The following RALYL variants were observed in gnomAD, a reference collection of about 807,000 sequenced individuals.
The protein encoded by RALYL is RALY RNA binding protein like, also known as RNA-binding Raly-like protein.
Under a neutral mutation model 35.1 loss-of-function variants are expected in RALYL, and 29 were observed. That is an observed-to-expected ratio of 0.83 (90% CI 0.61 to 1.13). The LOEUF (loss-of-function observed/expected upper bound fraction) is 1.13, where lower values mean the gene tolerates loss of function less well. Among genes scored for constraint, RALYL ranks in the 50% most tolerant of loss-of-function variants. The pLI is 0.00. For synonymous variants in RALYL, 120 were observed against 127.6 expected, an observed-to-expected ratio of 0.94 and a Z score of 0.40; for missense variants, 359 against 360.4, an observed-to-expected ratio of 1.00 and a Z score of 0.03.
At chr8:84,300,136 A>G (rs1840496991) in intron 1 of RALYL, among the ~76,000 whole-genome samples, 1 of 151,854 alleles carries the variant, frequency 6.6e-6, no homozygotes, top group African/African-American at 2.4e-5. Flanking sequence ...AGTATGTTGT[A>G]TTATTGTTTT....
chr8:84,478,571 C>T (rs2053675461), intron 1 of RALYL, among the ~76,000 whole-genome samples: 1 of 152,078 alleles, frequency 6.6e-6, no homozygotes, highest in African/African-American at 2.4e-5. Context: ...TTATATCTGG[C>T]CTTACCCTAA....
chr8:84,826,398 C>T (rs901514225), intron 4 of RALYL, among the ~76,000 whole-genome samples: 2 of 151,634 alleles, frequency 1.3e-5, no homozygotes, highest in Non-Finnish European at 2.9e-5. Flanking sequence ...GAAATGTTTG[C>T]TGGGTATCAG....
chr8:84,529,594 C>T lies in RALYL; in HGVS notation c.256+17C>T, dbSNP rs1482954172. ...AACCACTTGGTAAGTCATGCTCAGA[C>T]ATGGATCTCACGTTATTGTTCATAT... is the stretch of plus-strand genomic sequence containing the variant. On this transcript the variant is annotated intron_variant, in intron 2 of 8. Coordinates refer to ENST00000521268, the MANE Select transcript of RALYL (RefSeq NM_173848.7). 1 of 1,599,072 alleles carries T rather than the reference C, an allele frequency of 6.3e-7. No individual in the cohort carries two copies. The highest frequency in any genetic ancestry group is 1.7e-5 in the Admixed American group (1 of 59,598).
At chr8:84,433,032 A>G (rs557099268) in intron 1 of RALYL, among the ~76,000 whole-genome samples, 2 of 152,320 alleles carry the variant, frequency 1.3e-5, no homozygotes, top group South Asian at 2.1e-4. Context: ...TAAGCAAAGT[A>G]TTAGGTACAA....
chr8:84,316,029 A>G (rs377281683), intron 1 of RALYL, among the ~76,000 whole-genome samples: 1 of 152,116 alleles, frequency 6.6e-6, no homozygotes, highest in Non-Finnish European at 1.5e-5. Context: ...TTGTAAAATT[A>G]TCTTTACTTT....
rs1272777636 is a variant in RALYL at position 84,774,620 on chromosome 8, C to T, written c.298C>T (p.Pro100Ser). The T allele has an allele frequency of 6.2e-7, 1 of 1,609,378 alleles. No individual in the cohort carries two copies. Among genetic ancestry groups the T allele is most frequent in the Non-Finnish European group, 8.5e-7 (1 of 1,177,642 alleles). The change falls in exon 3 of 9, where the codon CCT (proline) becomes TCT (serine). Residue 100 changes from proline to serine, a missense_variant. Transcript: ENST00000521268. ...AGEPKPYRPKPGNKRPLSALY... is the reference protein window; with the variant it reads ...AGEPKPYRPKSGNKRPLSALY... ...AGAGCCCAAACCATACAGACCAAAA[C>T]CTGGAAACAAGAGGCCCCTTTCTGC...
chr8:84,258,262 C>T (rs1440967901), intron 1 of RALYL, among the ~76,000 whole-genome samples: 2 of 151,992 alleles, frequency 1.3e-5, no homozygotes, highest in African/African-American at 4.8e-5. Flanking sequence ...CTCAGGATTT[C>T]AAATATCATA....
chr8:84,891,812 G>T (rs1236865278), intron 8 of RALYL, among the ~76,000 whole-genome samples: 1 of 152,070 alleles, frequency 6.6e-6, no homozygotes, highest in Non-Finnish European at 1.5e-5. Flanking sequence ...AACCATCCTT[G>T]GTTCCCAAAA....
At chr8:84,840,904 G>T (rs1341540373) in intron 4 of RALYL, among the ~76,000 whole-genome samples, 1 of 152,132 alleles carries the variant, frequency 6.6e-6, no homozygotes, top group East Asian at 1.9e-4. Flanking sequence ...ATCCTTTACA[G>T]ACAAGCAAAT....
At chr8:84,382,203 T>C (rs1005464944) in intron 1 of RALYL, among the ~76,000 whole-genome samples, 2 of 151,050 alleles carry the variant, frequency 1.3e-5, no homozygotes, top group East Asian at 2.0e-4. Context: ...TATGTGTTAT[T>C]TATCAGCATC....
At chr8:84,225,835 T>C (rs7007401) in intron 1 of RALYL, among the ~76,000 whole-genome samples, 46,266 of 152,094 alleles carry the variant, frequency 0.3, 8,220 homozygotes, top group African/African-American at 0.48. Context: ...AGACAGAAAC[T>C]ATGTATCTCT....
intron 2 of RALYL, among the ~76,000 whole-genome samples, chr8:84,633,497 G>A (rs1056016665): frequency 1.3e-5 from 2 of 151,826 alleles, no homozygotes; most frequent in African/African-American, 4.8e-5. Context: ...GAAAAAAGAA[G>A]TCCTGAGTAG....
intron 2 of RALYL, among the ~76,000 whole-genome samples, chr8:84,540,320 T>A (rs568404828): frequency 8.6e-5 from 13 of 151,840 alleles, no homozygotes; most frequent in Non-Finnish European, 1.6e-4. Flanking sequence ...GATTTGTGTG[T>A]GTGTGTGTGT....
intron 1 of RALYL, among the ~76,000 whole-genome samples, chr8:84,344,297 G>T (rs1425446005): frequency 6.6e-6 from 1 of 151,872 alleles, no homozygotes; most frequent in Non-Finnish European, 1.5e-5. Context: ...TATTATTATT[G>T]AAAGTGCTAT....
At chr8:84,331,198 C>G (rs1055592194) in intron 1 of RALYL, among the ~76,000 whole-genome samples, 12 of 152,086 alleles carry the variant, frequency 7.9e-5, no homozygotes, top group African/African-American at 2.7e-4. Context: ...TGTCAGTAGT[C>G]TATCAGGGCC....
intron 4 of RALYL, among the ~76,000 whole-genome samples, chr8:84,835,406 G>A (rs556423314): frequency 2.7e-5 from 4 of 150,144 alleles, no homozygotes; most frequent in South Asian, 2.1e-4. Context: ...GGGGGCTCAC[G>A]CCTGTAATGC....
At chr8:84,458,282 T>C (rs2050365188) in intron 1 of RALYL, among the ~76,000 whole-genome samples, 1 of 151,846 alleles carries the variant, frequency 6.6e-6, no homozygotes, top group African/African-American at 2.4e-5. Flanking sequence ...TCCATCTTCA[T>C]ACCCTGGCTG....
chr8:84,724,350 A>T (rs1327739021), intron 2 of RALYL, among the ~76,000 whole-genome samples: 2 of 151,868 alleles, frequency 1.3e-5, no homozygotes, highest in African/African-American at 2.4e-5. Flanking sequence ...TCATATCTGA[A>T]TCATAAATAA....
chr8:84,482,310 T>C (rs1381721485), intron 1 of RALYL, among the ~76,000 whole-genome samples: 2 of 152,120 alleles, frequency 1.3e-5, no homozygotes, highest in Non-Finnish European at 2.9e-5. Context: ...TATTTCTATG[T>C]TTAATCCTGA....
Sources: gnomAD v4.1 joint callset for allele counts (sites outside exome capture counted in the v4.1 genomes callset) on GRCh38, gnomAD v4.1.1 for gene constraint, MANE v1.5 for transcripts, NCBI Gene and HGNC (gene_info 2026-07-23, HGNC 2026-07-21) for gene names.